The following GRIK4 variants were observed in gnomAD, a reference collection of about 807,000 sequenced individuals.
The protein encoded by GRIK4 is glutamate ionotropic receptor kainate type subunit 4.
A neutral mutation model predicts 104.9 loss-of-function variants in GRIK4; 40 were observed. That is an observed-to-expected ratio of 0.38 (90% CI 0.30 to 0.50). GRIK4 has a LOEUF of 0.50. Ranked by LOEUF, GRIK4 falls within the 20% of genes least tolerant of loss-of-function variation. The pLI, the probability that GRIK4 is intolerant of heterozygous loss-of-function variation, is 0.93. For synonymous variants in GRIK4, 485 were observed against 524.9 expected, an observed-to-expected ratio of 0.92 and a Z score of 1.04; for missense variants, 1,047 against 1,308.1, an observed-to-expected ratio of 0.80 and a Z score of 3.08.
At chr11:120,804,141 C>T (rs778217543) in intron 4 of GRIK4, among the ~76,000 whole-genome samples, 1 of 152,194 alleles carries the variant, frequency 6.6e-6, no homozygotes, top group Non-Finnish European at 1.5e-5. Context: ...AGGAGAAGAG[C>T]CCCTCAAATC....
chr11:120,721,124 A>T (rs2135375571), intron 3 of GRIK4, among the ~76,000 whole-genome samples: 1 of 152,278 alleles, frequency 6.6e-6, no homozygotes, highest in African/African-American at 2.4e-5. Context: ...TGGATACAAA[A>T]ATGGGCAATT....
intron 3 of GRIK4, among the ~76,000 whole-genome samples, chr11:120,697,924 A>G (rs1950481501): frequency 6.6e-6 from 1 of 152,060 alleles, no homozygotes; most frequent in Admixed American, 6.5e-5. Flanking sequence ...TCACTGATGC[A>G]CTGCTCCTTA....
At chr11:120,614,795 C>G (rs1162592308) in intron 1 of GRIK4, among the ~76,000 whole-genome samples, 3 of 152,090 alleles carry the variant, frequency 2.0e-5, no homozygotes, top group Non-Finnish European at 4.4e-5. Flanking sequence ...GTCAGGAGAT[C>G]GAGACCATCC....
chr11:120,755,239 C>T (rs904506384), intron 3 of GRIK4, among the ~76,000 whole-genome samples: 3 of 152,100 alleles, frequency 2.0e-5, no homozygotes, highest in Non-Finnish European at 2.9e-5. Context: ...AACACAATTG[C>T]ACCATGGGAG....
At chr11:120,660,033 C>A (rs184988687) in intron 2 of GRIK4, among the ~76,000 whole-genome samples, 1 of 152,184 alleles carries the variant, frequency 6.6e-6, no homozygotes, top group Non-Finnish European at 1.5e-5. Context: ...TGCCTGGCTG[C>A]GAGCAGATGA....
chr11:120,582,042 C>T (rs543057644), intron 1 of GRIK4, among the ~76,000 whole-genome samples: 8 of 151,418 alleles, frequency 5.3e-5, no homozygotes, highest in African/African-American at 2.0e-4. Context: ...CTCCTGACCT[C>T]GTGATCTGCC....
At chr11:120,848,171 G>C (rs1953894579) in intron 8 of GRIK4, among the ~76,000 whole-genome samples, 1 of 152,192 alleles carries the variant, frequency 6.6e-6, no homozygotes, top group African/African-American at 2.4e-5. Flanking sequence ...CAGCCGTTGA[G>C]GGGGCAGGGG....
intron 8 of GRIK4, among the ~76,000 whole-genome samples, chr11:120,845,372 C>T (rs1168225683): frequency 3.3e-5 from 5 of 152,134 alleles, no homozygotes; most frequent in East Asian, 1.9e-4. Flanking sequence ...TTTGTGAAGA[C>T]GATGGGAAGT....
intron 1 of GRIK4, among the ~76,000 whole-genome samples, chr11:120,604,224 A>G (rs572887307): frequency 4.0e-5 from 6 of 150,426 alleles, no homozygotes; most frequent in Non-Finnish European, 7.4e-5. Flanking sequence ...TTCGTTTGGA[A>G]GCTACTAACA....
intron 1 of GRIK4, among the ~76,000 whole-genome samples, chr11:120,607,395 C>T (rs1346067724): frequency 6.6e-6 from 1 of 152,172 alleles, no homozygotes; most frequent in African/African-American, 2.4e-5. Flanking sequence ...GGGAGAAGGC[C>T]TTCATGAAGA....
At chr11:120,693,053 G>A (rs922152956) in intron 3 of GRIK4, among the ~76,000 whole-genome samples, 5 of 151,632 alleles carry the variant, frequency 3.3e-5, no homozygotes, top group African/African-American at 1.2e-4. Context: ...TAAAAGAGGG[G>A]TTTTACGTAA....
chr11:120,963,520 G>C (rs1034388759), intron 18 of GRIK4, among the ~76,000 whole-genome samples: 2 of 152,212 alleles, frequency 1.3e-5, no homozygotes, highest in Non-Finnish European at 1.5e-5. Flanking sequence ...TAGAGAGCCC[G>C]TGCTGTAGAG....
At chr11:120,687,755 T>A (rs1354554093) in intron 3 of GRIK4, among the ~76,000 whole-genome samples, 1 of 152,194 alleles carries the variant, frequency 6.6e-6, no homozygotes, top group Admixed American at 6.5e-5. Context: ...AGATTTAGTT[T>A]ACCTCTGGCT....
chr11:120,954,929 G>C (rs532253976), intron 15 of GRIK4, among the ~76,000 whole-genome samples: 7 of 152,084 alleles, frequency 4.6e-5, no homozygotes, highest in African/African-American at 1.7e-4. Flanking sequence ...AGAGCCTTTG[G>C]GGGTGGAATG....
intron 13 of GRIK4, among the ~76,000 whole-genome samples, chr11:120,936,911 A>G (rs971470411): frequency 3.3e-5 from 5 of 150,600 alleles, no homozygotes; most frequent in African/African-American, 1.2e-4. Flanking sequence ...TTGTCATTGT[A>G]CATGCCCCTC....
At chr11:120,957,009 C>A in intron 16 of GRIK4, 56 bp downstream of exon 16, 2 of 1,427,208 alleles carry the variant, frequency 1.4e-6, no homozygotes, top group Non-Finnish European at 1.9e-6. Context: ...ACAAAAGGGG[C>A]CCTCTGATAA....
At chr11:120,889,325 C>G (rs1955207368) in intron 11 of GRIK4, among the ~76,000 whole-genome samples, 1 of 152,158 alleles carries the variant, frequency 6.6e-6, no homozygotes, top group Admixed American at 6.5e-5. Flanking sequence ...CTTTGAAACT[C>G]TAACAATCTC....
intron 11 of GRIK4, among the ~76,000 whole-genome samples, chr11:120,887,880 C>T (rs1456424634): frequency 6.6e-6 from 1 of 152,180 alleles, no homozygotes; most frequent in Non-Finnish European, 1.5e-5. Flanking sequence ...GGAGGGGCCT[C>T]CCTGAGGGGT....
Position 120,845,719 on chromosome 11 carries a change from G to A in GRIK4, c.744+8875G>A, listed in dbSNP as rs138197608. On this transcript the variant is annotated intron_variant, in intron 8 of 20. Transcript: ENST00000527524. ...AATCCATCAGCCAGACAACTTTCTAGTGCCAGAGCAATTGATTCCAAAGTG... is the reference window on the plus strand; with the variant it reads ...AATCCATCAGCCAGACAACTTTCTAATGCCAGAGCAATTGATTCCAAAGTG... Among the ~76,000 whole-genome samples, 414 of 152,140 alleles carry A rather than the reference G, an allele frequency of 2.7e-3. 6 individuals carry two copies. The highest frequency in any genetic ancestry group is 9.5e-3 in the African/African-American group (396 of 41,480).
Sources: allele counts gnomAD v4.1 joint callset (sites outside exome capture counted in the v4.1 genomes callset), GRCh38; gene constraint gnomAD v4.1.1; transcripts MANE v1.5; gene names NCBI Gene and HGNC (gene_info 2026-07-23, HGNC 2026-07-21).